Variants in OTOF observed in about 807,000 individuals in gnomAD.
OTOF encodes the protein otoferlin.
A neutral mutation model predicts 236.8 loss-of-function variants in OTOF; 218 were observed. The ratio of observed to expected loss-of-function variants is 0.92; its 90% CI spans 0.82 to 1.03. The LOEUF (loss-of-function observed/expected upper bound fraction) is 1.03. OTOF is among the 50% of genes least tolerant of loss of function. The pLI is 0.00. For missense variants in OTOF, 2,590 were observed against 2,694.4 expected, an observed-to-expected ratio of 0.96 and a Z score of 0.86; for synonymous variants, 1,041 against 1,072.5, an observed-to-expected ratio of 0.97 and a Z score of 0.57.
In OTOF at chr2:26,479,483, C is replaced by T; in HGVS notation, c.2083G>A (p.Val695Ile). The T allele has an allele frequency of 1.2e-6, 2 of 1,601,422 alleles. No individual in the cohort carries two copies. Among genetic ancestry groups the T allele is most frequent in the Non-Finnish European group, 1.7e-6 (2 of 1,174,968 alleles). ...GGAGGCTGGGCCCACCTGTCGGTGA[C>T]CTGGGGCCGCATTGGTGGAGTGGAG... Reference protein sequence around the residue: ...VSSTPPMRPQVTDRNYFHLPY... With the variant: ...VSSTPPMRPQITDRNYFHLPY... Residue 695 changes from valine to isoleucine, a missense_variant, in exon 17 of 47, where the codon GTC becomes ATC. Around this residue, in one of 2 missense-constraint regions of OTOF, gnomAD observed 1,379 missense variants for 1,341.6 expected, o/e 1.03. Coordinates refer to ENST00000272371, the MANE Select transcript of OTOF (RefSeq NM_194248.3).
At chr2:26,463,111 C>A (rs1412736979) in intron 41 of OTOF, among the ~76,000 whole-genome samples, 1 of 152,034 alleles carries the variant, frequency 6.6e-6, no homozygotes, top group Admixed American at 6.6e-5. Context: ...TCAGTGTGGG[C>A]ATGTGTGTGG....
At position 26,482,624 on chromosome 2, in the gene OTOF, GGCATGTGTGTGTGAGTGGGT is replaced by G. The variant is rs772550028; in HGVS notation, c.1393-52_1393-33del. The G allele has an allele frequency of 3.0e-5, 48 of 1,596,172 alleles. No homozygotes were observed. In the South Asian group the frequency reaches 5.2e-4, roughly 17 times the overall value. On this transcript the variant is annotated intron_variant, in intron 13 of 46. Transcript: ENST00000272371. ...GAAGGGGGAGCACAGGTGAGGGCGTGGCATGTGTGTGTGAGTGGGTGCATGTGTGTGTGTGTGAGTGGGCG... is the reference window on the plus strand; with the variant it reads ...GAAGGGGGAGCACAGGTGAGGGCGTGGCATGTGTGTGTGTGTGAGTGGGCG...
chr2:26,490,101 C>T (rs1372868849), intron 9 of OTOF, among the ~76,000 whole-genome samples: 1 of 152,224 alleles, frequency 6.6e-6, no homozygotes, highest in Non-Finnish European at 1.5e-5. Context: ...AACTGTGTGG[C>T]CTTGAGCAAC....
At chr2:26,543,827 C>T (rs1186137084) in intron 1 of OTOF, among the ~76,000 whole-genome samples, 1 of 152,232 alleles carries the variant, frequency 6.6e-6, no homozygotes, top group Non-Finnish European at 1.5e-5. Context: ...AGTGACTCTC[C>T]TGCATTAGCC....
chr2:26,526,165 A>C (rs1237901106), intron 3 of OTOF, among the ~76,000 whole-genome samples: 1 of 151,186 alleles, frequency 6.6e-6, no homozygotes, highest in Non-Finnish European at 1.5e-5. Context: ...GGAAGGATGA[A>C]TGGAAAGGAT....
intron 2 of OTOF, among the ~76,000 whole-genome samples, chr2:26,529,746 G>C (rs914765069): frequency 1.8e-4 from 28 of 152,168 alleles, no homozygotes; most frequent in Admixed American, 7.2e-4. Flanking sequence ...GGGAGGACCT[G>C]GCCTTGGCAT....
In OTOF at chr2:26,475,896, C is replaced by T; in HGVS notation, c.2991+18G>A. ...GTGCTCTCAAAGCCAGAGCCACTCC[C>T]TCCTCCCAGGCCCTCACCTCTGTGC... is the stretch of plus-strand genomic sequence containing the variant. On this transcript the variant is annotated intron_variant, in intron 24 of 46. Transcript: ENST00000272371. 1.9e-6 allele frequency: 3 copies of T among 1,593,332 alleles called. No homozygotes were observed. Among genetic ancestry groups the T allele is most frequent in the Non-Finnish European group, 2.6e-6 (3 of 1,169,690 alleles).
Position 26,462,005 on chromosome 2 carries a change from C to T in OTOF, c.5292-68G>A. 6.2e-7 allele frequency: 1 copy of T among 1,613,114 alleles called. No individual in the cohort carries two copies. Among genetic ancestry groups the T allele is most frequent in the Non-Finnish European group, 8.5e-7 (1 of 1,179,612 alleles). On this transcript the variant is annotated intron_variant, in intron 42 of 46. Transcript: ENST00000272371. The surrounding 1 kb of genome is among the most constrained non-coding windows in gnomAD (Gnocchi z 4.7). ...GCCTCTCCCACCCACAGCCACCTTC[C>T]CTCTGCCTCCTCTCCTGCCCCCCGG...
At chr2:26,552,879 C>G (rs1328481805) in intron 1 of OTOF, among the ~76,000 whole-genome samples, 1 of 152,208 alleles carries the variant, frequency 6.6e-6, no homozygotes, top group African/African-American at 2.4e-5. Context: ...TCAGCAGGGA[C>G]AATGCCAACC....
intron 2 of OTOF, among the ~76,000 whole-genome samples, chr2:26,532,434 T>C (rs928817271): frequency 6.6e-5 from 10 of 152,166 alleles, no homozygotes; most frequent in African/African-American, 2.2e-4. Context: ...TCACTCAAGA[T>C]GTCACGAGCC....
At chr2:26,491,670 G>C (rs1665844174) in intron 9 of OTOF, among the ~76,000 whole-genome samples, 1 of 152,156 alleles carries the variant, frequency 6.6e-6, no homozygotes, top group Admixed American at 6.5e-5. Flanking sequence ...CCCAGGGCGG[G>C]GCCAGATGCA....
chr2:26,524,794 G>T (rs549459356), intron 3 of OTOF, among the ~76,000 whole-genome samples: 1 of 152,178 alleles, frequency 6.6e-6, no homozygotes, highest in Non-Finnish European at 1.5e-5. Flanking sequence ...TCTAGCCCTG[G>T]CTCTACCATT....
chr2:26,466,001 T>C lies in OTOF; in HGVS notation c.4576A>G (p.Ile1526Val). The C allele has an allele frequency of 6.2e-7, 1 of 1,614,244 alleles. No individual in the cohort carries two copies. Among genetic ancestry groups the C allele is most frequent in the South Asian group, 1.1e-5 (1 of 91,086 alleles). Residue 1526 changes from isoleucine (I) to valine (V), a missense_variant, in exon 37 of 47, where the codon ATC becomes GTC. Transcript: ENST00000272371. The stretch of plus-strand genomic sequence containing the variant: ...GAGATGTAGTTCTCCTTGTCGCGGA[T>C]GTCAGTCTTGCCTAGCCGGATGGCG... ...YIAIRLGKTD[I>V]RDKENYISKQ...
At chr2:26,512,317 T>G (rs1666411580) in intron 5 of OTOF, among the ~76,000 whole-genome samples, 1 of 152,210 alleles carries the variant, frequency 6.6e-6, no homozygotes, top group African/African-American at 2.4e-5. Flanking sequence ...CTCTCTAAGA[T>G]GTGACTCCTA....
rs111033342 is a variant in OTOF, at chr2:26,467,234, C to T, written c.4228-1G>A. Reference sequence around the variant, plus strand: ...CGGACTCCAGCTCTTTGGGGTATACCTGAGACAGACCAGGCTGTTAGGGGG... The same window carrying T: ...CGGACTCCAGCTCTTTGGGGTATACTTGAGACAGACCAGGCTGTTAGGGGG... On this transcript the variant is annotated splice_acceptor_variant, in intron 34 of 46. Transcript: ENST00000272371. LOFTEE classifies it high-confidence loss of function. 2.8e-5 allele frequency: 45 copies of T among 1,614,164 alleles called. No homozygotes were observed. The highest frequency in any genetic ancestry group is 3.6e-5 in the Non-Finnish European group (43 of 1,180,038).
At position 26,480,812 on chromosome 2, in the gene OTOF, C is replaced by T; in HGVS notation, c.1777G>A (p.Val593Met). ...PELTSSTEVQ[V>M]EQATPISESC... ...TCCGAGATGGGCGTGGCCTGCTCCA[C>T]CTGCACCTCTGTGGAGCTGGTGAGC... is the stretch of plus-strand genomic sequence containing the variant. Residue 593 changes from valine to methionine, a missense_variant, in exon 15 of 47, where the codon GTG becomes ATG. Around this residue, in one of 2 missense-constraint regions of OTOF, gnomAD observed 1,379 missense variants for 1,341.6 expected, o/e 1.03. Coordinates refer to ENST00000272371, the MANE Select transcript of OTOF (RefSeq NM_194248.3). 6.2e-7 allele frequency: 1 copy of T among 1,612,628 alleles called. No individual in the cohort carries two copies. The highest frequency in any genetic ancestry group is 2.2e-5 in the East Asian group (1 of 44,856).
chr2:26,557,321 A>C (rs949097897), intron 1 of OTOF, among the ~76,000 whole-genome samples: 2 of 150,622 alleles, frequency 1.3e-5, no homozygotes, highest in South Asian at 2.1e-4. Flanking sequence ...TCCCCATCCC[A>C]CTCTCAGACC....
At position 26,506,977 on chromosome 2, in the gene OTOF, G is replaced by A. The variant is rs955996403; in HGVS notation, c.510-3132C>T. ...TGCACTCCAGCCTGGGCGACAGAGT[G>A]AGACTCTGTCTCAAACAAACACACA... On this transcript the variant is annotated intron_variant, in intron 5 of 46. Coordinates refer to ENST00000272371, the MANE Select transcript of OTOF (RefSeq NM_194248.3). Among the ~76,000 whole-genome samples, 3 of 152,182 alleles carry A rather than the reference G, an allele frequency of 2.0e-5. 1 individual carries two copies. The highest frequency in any genetic ancestry group is 4.4e-5 in the Non-Finnish European group (3 of 68,040).
chr2:26,505,418 CACACACACACACACACAG>C (rs1221853523), intron 5 of OTOF, among the ~76,000 whole-genome samples: 5 of 151,690 alleles, frequency 3.3e-5, no homozygotes, highest in Non-Finnish European at 7.4e-5. Context: ...GAGTTACACA[CACACACACACACACACAG>C]ACACACACAC....
Sources: allele counts gnomAD v4.1 joint callset (sites outside exome capture counted in the v4.1 genomes callset), GRCh38; gene constraint gnomAD v4.1.1; regional missense constraint gnomAD v4.1.1; non-coding constraint Gnocchi (gnomAD v3.1); transcripts MANE v1.5; gene names NCBI Gene and HGNC (gene_info 2026-07-23, HGNC 2026-07-21).